Variants in DCN observed in about 807,000 individuals in gnomAD.
The protein encoded by DCN is bone proteoglycan II.
DCN carries 17 observed loss-of-function variants against 36.5 expected under a neutral mutation model. The observed-to-expected ratio is 0.47, with a 90% CI of 0.32 to 0.70. The LOEUF is 0.70. DCN is among the 30% of genes least tolerant of loss of function. DCN has a pLI of 0.04. For missense variants in DCN, 389 were observed against 430.1 expected (o/e 0.90, Z 0.84); for synonymous variants, 163 against 161.4 (o/e 1.01, Z -0.07).
At chr12:91,172,323 T>C (rs1335206807) in intron 2 of DCN, 6 of 154,964 alleles carry the variant, frequency 3.9e-5, no homozygotes, top group Non-Finnish European at 5.7e-5. Context: ...TTATTCTTAT[T>C]GACTTTCAAC....
chr12:91,158,468 A>C lies in DCN; in HGVS notation c.366T>G (p.Pro122=), dbSNP rs756635987. The stretch of plus-strand genomic sequence containing the variant: ...ACTTCACCAAAGGTGTAAATGCTCC[A>C]GGACTAACTTTGCTAATTTTATTGT... ...LVNNKISKVS[P]GAFTPLVKLE... Residue 122 remains proline, a synonymous_variant, in exon 4 of 8, where the codon CCT becomes CCG. Coordinates refer to ENST00000052754, the MANE Select transcript of DCN (RefSeq NM_001920.5). The C allele has an allele frequency of 6.2e-7, 1 of 1,606,284 alleles. No individual in the cohort carries two copies. Among genetic ancestry groups the C allele is most frequent in the Non-Finnish European group, 8.5e-7 (1 of 1,172,812 alleles).
Position 91,151,788 on chromosome 12 carries a change from C to T in DCN, c.751G>A (p.Gly251Arg), listed in dbSNP as rs1881446796. 6.2e-7 allele frequency: 1 copy of T among 1,613,844 alleles called. No individual in the cohort carries two copies. Among genetic ancestry groups the T allele is most frequent in the African/African-American group, 1.3e-5 (1 of 74,904 alleles). ...LKGLNNLAKL[G>R]LSFNSISAVD... is the part of the protein sequence containing the mutation. ...GCAGAGATGCTGTTGAAACTCAATC[C>T]CAACCTGCAACAGAAAGCAGAAATG... Residue 251 changes from glycine to arginine, a missense_variant, in exon 7 of 8, where the codon GGA becomes AGA. Gly to Arg is a moderately radical substitution (Grantham distance 125). Transcript: ENST00000052754.
intron 2 of DCN, chr12:91,172,282 T>C (rs886573827): frequency 2.0e-5 from 3 of 153,104 alleles, no homozygotes; most frequent in Non-Finnish European, 4.4e-5. Flanking sequence ...GCTTTTTTTC[T>C]GCCATGTGGC....
rs1335389212 is a variant in DCN at position 91,177,932 on chromosome 12, TAG to T, written c.211+408_211+409del. Among the ~76,000 whole-genome samples the T allele has an allele frequency of 4.6e-4, 70 of 152,208 alleles. 1 individual carries two copies. The highest frequency in any genetic ancestry group is 1.2e-4 in the Non-Finnish European group (8 of 68,034). On this transcript the variant is annotated intron_variant, in intron 2 of 7. Transcript: ENST00000052754. ...TCTGTTGTCTGGGCTAAGTGAATAGTAGAGAGACTGACCTGATTTTCTTAATA... is the reference window on the plus strand; with the variant it reads ...TCTGTTGTCTGGGCTAAGTGAATAGTAGAGACTGACCTGATTTTCTTAATA...
chr12:91,164,827 T>C (rs773882850), intron 2 of DCN, 110 bp from the exon 3 acceptor site: 138 of 690,356 alleles, frequency 2.0e-4, no homozygotes, highest in Non-Finnish European at 2.2e-4. Context: ...ATCTTAACAG[T>C]AACAACATAT....
intron 3 of DCN, among the ~76,000 whole-genome samples, chr12:91,161,505 C>T (rs2121227305): frequency 6.6e-6 from 1 of 152,262 alleles, no homozygotes; most frequent in Admixed American, 6.5e-5. Context: ...CCAACAGTAG[C>T]TTAAATAGTC....
chr12:91,151,563 A>G (rs776073955), intron 7 of DCN, 91 bp downstream of exon 7: 6 of 1,503,288 alleles, frequency 4.0e-6, no homozygotes, highest in Non-Finnish European at 5.5e-6. Flanking sequence ...AAAAACTTCT[A>G]AGAAGAGCTT....
intron 7 of DCN, among the ~76,000 whole-genome samples, chr12:91,147,944 C>T (rs1881133767): frequency 6.6e-6 from 1 of 151,826 alleles, no homozygotes; most frequent in African/African-American, 2.4e-5. Context: ...CCCTAAAAAC[C>T]GGAATTATAC....
At chr12:91,159,081 A>G (rs1881991331) in intron 3 of DCN, among the ~76,000 whole-genome samples, 1 of 152,194 alleles carries the variant, frequency 6.6e-6, no homozygotes, top group Non-Finnish European at 1.5e-5. Context: ...ACATGTATGT[A>G]TGTATATGTA....
At chr12:91,173,056 C>G (rs557156754) in intron 2 of DCN, among the ~76,000 whole-genome samples, 8 of 152,090 alleles carry the variant, frequency 5.3e-5, no homozygotes, top group Admixed American at 6.6e-5. Context: ...TGAGTCTTTA[C>G]TGTTACAGTA....
chr12:91,162,945 A>G (rs1221463417), intron 3 of DCN, among the ~76,000 whole-genome samples: 1 of 152,172 alleles, frequency 6.6e-6, no homozygotes, highest in African/African-American at 2.4e-5. Context: ...CTTTATCTCC[A>G]TGGTCATCCT....
At chr12:91,157,295 C>A in intron 4 of DCN, 107 bp from the exon 5 acceptor site, 1 of 805,844 alleles carries the variant, frequency 1.2e-6, no homozygotes. Flanking sequence ...GGATTAATAT[C>A]AACTTGACTA....
intron 2 of DCN, chr12:91,175,361 T>C (rs938943856): frequency 2.0e-5 from 3 of 151,052 alleles, no homozygotes; most frequent in African/African-American, 7.3e-5. Context: ...AAAGCACGTG[T>C]TAATACTACT....
At chr12:91,154,429 G>A (rs1164270070) in intron 5 of DCN, among the ~76,000 whole-genome samples, 1 of 144,366 alleles carries the variant, frequency 6.9e-6, no homozygotes, top group Non-Finnish European at 1.5e-5. Context: ...TAATTACAAA[G>A]TAATGCAAAA....
intron 2 of DCN, chr12:91,177,547 G>T: frequency 1.4e-6 from 1 of 701,992 alleles, no homozygotes; most frequent in Non-Finnish European, 2.6e-6. Flanking sequence ...TTCCCCTTTG[G>T]CCCATCCACT....
intron 3 of DCN, 95 bp from the exon 4 acceptor site, chr12:91,158,604 G>T (rs2121212659): frequency 1.3e-6 from 1 of 759,624 alleles, no homozygotes; most frequent in Non-Finnish European, 2.3e-6. Context: ...CATAGGGATA[G>T]CAGAGAAATC....
At chr12:91,164,378 T>TA (rs1229314064) in intron 3 of DCN, among the ~76,000 whole-genome samples, 17 of 29,176 alleles carry the variant, frequency 5.8e-4, no homozygotes, top group African/African-American at 1.1e-3. Flanking sequence ...AAAAAAAAAT[T>TA]AAAAAAAAAA....
intron 2 of DCN, among the ~76,000 whole-genome samples, chr12:91,167,750 C>A (rs1030718548): frequency 9.9e-5 from 15 of 152,274 alleles, no homozygotes; most frequent in African/African-American, 3.6e-4. Flanking sequence ...AGTTAAATAG[C>A]TTATCTAAGG....
intron 4 of DCN, among the ~76,000 whole-genome samples, chr12:91,157,714 C>T (rs1021242526): frequency 1.2e-4 from 18 of 151,898 alleles, no homozygotes; most frequent in South Asian, 4.2e-4. Context: ...CTGCAAGCTC[C>T]GCCTCCCGGG....
Sources: gnomAD v4.1 joint callset for allele counts (sites outside exome capture counted in the v4.1 genomes callset) on GRCh38, gnomAD v4.1.1 for gene constraint, MANE v1.5 for transcripts, NCBI Gene and HGNC (gene_info 2026-07-23, HGNC 2026-07-21) for gene names.